MAP4: variants seen among roughly 807,000 people sequenced by gnomAD.
The protein encoded by MAP4 is microtubule-associated protein 4.
MAP4 carries 76 observed loss-of-function variants against 170.2 expected under a neutral mutation model. The observed-to-expected ratio is 0.45, with a 90% CI of 0.37 to 0.54. The LOEUF is 0.54. Among genes scored for constraint, MAP4 ranks in the 20% least tolerant of loss-of-function variants. The pLI is 0.00. For missense variants in MAP4, 2,506 were observed against 2,748.0 expected (o/e 0.91, Z 1.97); for synonymous variants, 909 against 994.5 (o/e 0.91, Z 1.62).
At chr3:47,887,941 C>G (rs577325967) in intron 10 of MAP4, among the ~76,000 whole-genome samples, 4 of 152,048 alleles carry the variant, frequency 2.6e-5, no homozygotes, top group East Asian at 3.9e-4. Flanking sequence ...AATCGACACT[C>G]TGTATCTAGC....
intron 10 of MAP4, among the ~76,000 whole-genome samples, chr3:47,898,487 C>T (rs1210654010): frequency 6.9e-5 from 10 of 145,502 alleles, no homozygotes; most frequent in South Asian, 2.2e-4. Flanking sequence ...GCCAACAGGG[C>T]GAGACTCCGC....
intron 1 of MAP4, among the ~76,000 whole-genome samples, chr3:48,005,224 G>T (rs1364115142): frequency 6.6e-6 from 1 of 152,172 alleles, no homozygotes; most frequent in Non-Finnish European, 1.5e-5. Context: ...AGCCGGGCGT[G>T]GTGGTGCACC....
intron 1 of MAP4, among the ~76,000 whole-genome samples, chr3:48,031,698 C>T (rs777893990): frequency 6.6e-6 from 1 of 152,152 alleles, no homozygotes; most frequent in Non-Finnish European, 1.5e-5. Flanking sequence ...GCAACCCAGC[C>T]TGGGCAACAG....
At chr3:47,943,754 C>A (rs2100057970) in intron 3 of MAP4, among the ~76,000 whole-genome samples, 1 of 152,056 alleles carries the variant, frequency 6.6e-6, no homozygotes, top group South Asian at 2.1e-4. Context: ...TGAAGGAAAT[C>A]TCCAGCAGGA....
intron 16 of MAP4, among the ~76,000 whole-genome samples, chr3:47,868,849 CCT>C (rs1003056631): frequency 2.0e-5 from 3 of 152,122 alleles, no homozygotes; most frequent in African/African-American, 7.2e-5. Flanking sequence ...GGAAATTACC[CCT>C]GCCATGTCTT....
At chr3:48,075,508 C>CG (rs984782437) in intron 1 of MAP4, among the ~76,000 whole-genome samples, 1 of 151,680 alleles carries the variant, frequency 6.6e-6, no homozygotes, top group Non-Finnish European at 1.5e-5. Context: ...GCCTGGGCAA[C>CG]GGAGCAAGAC....
At chr3:47,879,604 A>G (rs1291490213) in intron 10 of MAP4, among the ~76,000 whole-genome samples, 1 of 152,136 alleles carries the variant, frequency 6.6e-6, no homozygotes, top group Non-Finnish European at 1.5e-5. Context: ...TTCACTTTAC[A>G]TGCACTCATT....
At chr3:48,084,360 C>A (rs913305853) in intron 1 of MAP4, among the ~76,000 whole-genome samples, 2 of 147,754 alleles carry the variant, frequency 1.4e-5, no homozygotes, top group East Asian at 4.0e-4. Flanking sequence ...ATCTCCCCCA[C>A]TGCTGACAGA....
intron 3 of MAP4, chr3:47,974,737 A>C (rs181644656): frequency 2.0e-6 from 2 of 982,102 alleles, no homozygotes; most frequent in Admixed American, 1.2e-4. Flanking sequence ...CTGTTGAAAC[A>C]ATCTTAGATT....
chr3:47,871,161 G>A, intron 14 of MAP4, 56 bp from the exon 15 acceptor site: 1 of 1,611,938 alleles, frequency 6.2e-7, no homozygotes, highest in South Asian at 1.1e-5. Flanking sequence ...GAAAAAGGGA[G>A]ACTTAAGCCA....
At position 47,978,748 on chromosome 3, in the gene MAP4, CT is replaced by C. The variant is rs541932430; in HGVS notation, c.224-816del. On this transcript the variant is annotated intron_variant, in intron 2 of 20. Coordinates refer to ENST00000683076, the MANE Select transcript of MAP4 (RefSeq NM_001385682.1). ...AGAGGACTCCTTTTTTTTTTTCCCT[CT>C]TTTTTTTTTTTTTAAGGAAATTAGT... Among the ~76,000 whole-genome samples, 1,130 of 135,670 alleles carry C rather than the reference CT, an allele frequency of 8.3e-3. 5 individuals are homozygous for C. The highest frequency in any genetic ancestry group is 0.016 in the Middle Eastern group (4 of 254). The allele number at this position is 135,670 out of a possible 152,430, so 89.0% of individuals were successfully genotyped here. A position where few individuals can be genotyped will look rare whatever the true frequency, so the allele number is the denominator to read the frequency against.
At chr3:47,955,071 A>T (rs1225715376) in intron 3 of MAP4, among the ~76,000 whole-genome samples, 1 of 152,230 alleles carries the variant, frequency 6.6e-6, no homozygotes, top group Admixed American at 6.5e-5. Flanking sequence ...GATACCTATT[A>T]TATCTTGATT....
chr3:48,062,132 A>C (rs994381274), intron 1 of MAP4, among the ~76,000 whole-genome samples: 5 of 151,170 alleles, frequency 3.3e-5, no homozygotes, highest in Non-Finnish European at 7.4e-5. Flanking sequence ...GGCATAGGAG[A>C]CTCCATTTTG....
At chr3:48,066,167 T>G (rs1013687045) in intron 1 of MAP4, among the ~76,000 whole-genome samples, 2 of 152,220 alleles carry the variant, frequency 1.3e-5, no homozygotes, top group Non-Finnish European at 2.9e-5. Flanking sequence ...GGATATATAC[T>G]CATGAAATTA....
At chr3:47,864,371 T>G (rs543138382) in intron 17 of MAP4, among the ~76,000 whole-genome samples, 2 of 152,138 alleles carry the variant, frequency 1.3e-5, no homozygotes, top group East Asian at 3.9e-4. Flanking sequence ...CAAAACCCCG[T>G]CTCTACTAAA....
Position 47,874,495 on chromosome 3 carries a change from C to A in MAP4, c.5757+1190G>T, listed in dbSNP as rs2094573049. ...AAAAAATAAAAATTAAAAAAAAGTT[C>A]ATGTATATACAGCAACTAGTACACT... On this transcript the variant is annotated intron_variant, in intron 12 of 20. Coordinates refer to ENST00000683076, the MANE Select transcript of MAP4 (RefSeq NM_001385682.1). Among the ~76,000 whole-genome samples the A allele has an allele frequency of 1.3e-5, 2 of 152,012 alleles. 1 individual carries two copies. The highest frequency in any genetic ancestry group is 4.2e-4 in the South Asian group (2 of 4,810).
chr3:47,943,426 A>G (rs1203319299), intron 3 of MAP4, among the ~76,000 whole-genome samples: 3 of 152,330 alleles, frequency 2.0e-5, no homozygotes, highest in Middle Eastern at 6.8e-3. Context: ...AGTCTGACCC[A>G]TGTGGTGAAA....
intron 1 of MAP4, among the ~76,000 whole-genome samples, chr3:48,051,146 CTCA>C (rs1449193250): frequency 6.6e-5 from 10 of 151,336 alleles, no homozygotes; most frequent in Middle Eastern, 3.4e-3. Context: ...GCTGTGGTGG[CTCA>C]TGCCTGTAAT....
At chr3:47,961,898 G>A (rs1487484414) in intron 3 of MAP4, among the ~76,000 whole-genome samples, 1 of 152,194 alleles carries the variant, frequency 6.6e-6, no homozygotes, top group Admixed American at 6.5e-5. Flanking sequence ...CTACCTTTGA[G>A]GTAGAAGACC....
Sources: gnomAD v4.1 joint callset for allele counts (sites outside exome capture counted in the v4.1 genomes callset) on GRCh38, gnomAD v4.1.1 for gene constraint, MANE v1.5 for transcripts, NCBI Gene and HGNC (gene_info 2026-07-23, HGNC 2026-07-21) for gene names.